OR1J2: variants seen among roughly 807,000 people sequenced by gnomAD.
OR1J2 encodes olfactory receptor family 1 subfamily J member 2, also known as olfactory receptor 1J2.
For missense variants in OR1J2, 304 were observed against 246.1 expected (o/e 1.24, Z -1.57); for synonymous variants, 142 against 99.7 (o/e 1.42, Z -2.52).
chr9:122,486,249 T>C, the OR1J2 span, among the ~76,000 whole-genome samples: 2 of 152,144 alleles, frequency 1.3e-5, no homozygotes, highest in African/African-American at 4.8e-5. Flanking sequence ...CATGAACCGC[T>C]GTGCCCAGCC....
the OR1J2 span, among the ~76,000 whole-genome samples, chr9:122,576,232 T>A: frequency 6.6e-6 from 1 of 152,038 alleles, no homozygotes; most frequent in African/African-American, 2.4e-5. Context: ...CATTTTTTTT[T>A]ATTTTTTAAG....
At chr9:122,525,701 C>T in the OR1J2 span, among the ~76,000 whole-genome samples, 1 of 152,118 alleles carries the variant, frequency 6.6e-6, no homozygotes, top group Non-Finnish European at 1.5e-5. Flanking sequence ...GCACAAGGAG[C>T]TTTAACCCCC....
chr9:122,557,542 T>C, the OR1J2 span, among the ~76,000 whole-genome samples: 1 of 152,192 alleles, frequency 6.6e-6, no homozygotes, highest in South Asian at 2.1e-4. Flanking sequence ...AGCCCTGCAT[T>C]CCTGAGATAA....
the OR1J2 span, among the ~76,000 whole-genome samples, chr9:122,540,715 C>T: frequency 6.6e-6 from 1 of 152,160 alleles, no homozygotes; most frequent in Non-Finnish European, 1.5e-5. Context: ...GCAGTATGGC[C>T]ATTTTCACGA....
the OR1J2 span, among the ~76,000 whole-genome samples, chr9:122,497,230 GGTAT>G: frequency 6.6e-6 from 1 of 152,118 alleles, no homozygotes; most frequent in Non-Finnish European, 1.5e-5. Flanking sequence ...TGACTTTCCT[GGTAT>G]GTTCTTGTAG....
the OR1J2 span, among the ~76,000 whole-genome samples, chr9:122,464,883 T>G: frequency 6.6e-6 from 1 of 152,194 alleles, no homozygotes; most frequent in Non-Finnish European, 1.5e-5. Context: ...TTTGGAAAGT[T>G]ATTTCTTTTA....
chr9:122,463,146 G>A, the OR1J2 span, among the ~76,000 whole-genome samples: 1 of 152,012 alleles, frequency 6.6e-6, no homozygotes, highest in Non-Finnish European at 1.5e-5. Context: ...TGTCTTTGTA[G>A]GAGTGGGTTT....
chr9:122,555,435 A>C, the OR1J2 span, among the ~76,000 whole-genome samples: 5 of 152,154 alleles, frequency 3.3e-5, no homozygotes, highest in Non-Finnish European at 7.3e-5. Context: ...GGCCCTGACC[A>C]TAGCAATCTG....
At chr9:122,459,532 G>T in the OR1J2 span, among the ~76,000 whole-genome samples, 1 of 152,174 alleles carries the variant, frequency 6.6e-6, no homozygotes, top group Non-Finnish European at 1.5e-5. Context: ...TTTCTAAGCA[G>T]CTTAGATGAA....
the OR1J2 span, among the ~76,000 whole-genome samples, chr9:122,478,942 C>T: frequency 6.6e-6 from 1 of 151,984 alleles, no homozygotes; most frequent in Non-Finnish European, 1.5e-5. Flanking sequence ...GTTGGTCAGG[C>T]TGGTCTCGAA....
At chr9:122,554,629 C>T in the OR1J2 span, among the ~76,000 whole-genome samples, 12 of 152,274 alleles carry the variant, frequency 7.9e-5, no homozygotes, top group East Asian at 2.3e-3. Context: ...AATAACTTAA[C>T]AAGTCAATTT....
In OR1J2 at chr9:122,511,566, A is replaced by T; in HGVS notation, c.765A>T (p.Ile255=). The T allele has an allele frequency of 1.3e-6, 1 of 780,964 alleles. No homozygotes were observed. The highest frequency in any genetic ancestry group is 2.4e-6 in the Non-Finnish European group (1 of 418,106). The allele number at this position is 780,964 out of a possible 1,614,324, so 48.4% of individuals were successfully genotyped here. The change falls in exon 1 of 1, where the codon ATA becomes ATT. Residue 255 remains isoleucine, a synonymous_variant. Transcript: ENST00000335302. ...LSVVSLYYGS[I]FGQYLFPTVS... is the part of the protein sequence containing the mutation. ...TGGTGTCTCTCTATTATGGGTCAAT[A>T]TTTGGCCAGTACCTTTTCCCGACTG... is the stretch of plus-strand genomic sequence containing the variant.
the OR1J2 span, among the ~76,000 whole-genome samples, chr9:122,564,734 AT>A: frequency 6.6e-5 from 10 of 152,200 alleles, no homozygotes; most frequent in African/African-American, 2.2e-4. Context: ...GTGTGTAGCT[AT>A]TGATCTGGCA....
chr9:122,478,213 T>C, the OR1J2 span, among the ~76,000 whole-genome samples: 1 of 152,238 alleles, frequency 6.6e-6, no homozygotes, highest in Non-Finnish European at 1.5e-5. Flanking sequence ...AGCTGATGTA[T>C]TGTAAGTGAT....
chr9:122,537,621 T>A, the OR1J2 span, among the ~76,000 whole-genome samples: 1 of 152,214 alleles, frequency 6.6e-6, no homozygotes, highest in African/African-American at 2.4e-5. Flanking sequence ...ATCTGTAGAT[T>A]GCTTTGGGCA....
At chr9:122,492,336 C>G in the OR1J2 span, among the ~76,000 whole-genome samples, 5 of 152,086 alleles carry the variant, frequency 3.3e-5, no homozygotes, top group African/African-American at 1.2e-4. Context: ...TGATTTCATT[C>G]TTTTTATGGC....
the OR1J2 span, among the ~76,000 whole-genome samples, chr9:122,518,251 G>A: frequency 1.3e-5 from 2 of 152,346 alleles, no homozygotes; most frequent in African/African-American, 2.4e-5. Flanking sequence ...GCTTTAAAAT[G>A]TCTCCACTAG....
the OR1J2 span, among the ~76,000 whole-genome samples, chr9:122,487,092 G>A: frequency 6.6e-6 from 1 of 151,654 alleles, no homozygotes; most frequent in African/African-American, 2.4e-5. Context: ...CATCAGTAAG[G>A]GAAAGGTTAA....
chr9:122,542,221 A>C, the OR1J2 span, among the ~76,000 whole-genome samples: 1 of 152,184 alleles, frequency 6.6e-6, no homozygotes. Context: ...TAGTTTATTC[A>C]ATTCTCTGTT....
Sources: gnomAD v4.1 joint callset for allele counts (sites outside exome capture counted in the v4.1 genomes callset) on GRCh38, gnomAD v4.1.1 for gene constraint, MANE v1.5 for transcripts, NCBI Gene and HGNC (gene_info 2026-07-23, HGNC 2026-07-21) for gene names.